Variants in ADCY9 observed in about 807,000 individuals in gnomAD.
The protein encoded by ADCY9 is adenylate cyclase 9.
A neutral mutation model predicts 101.5 loss-of-function variants in ADCY9; 50 were observed. That is an observed-to-expected ratio of 0.49 (90% CI 0.39 to 0.62). The LOEUF is 0.62. Among genes scored for constraint, ADCY9 ranks in the 20% least tolerant of loss-of-function variants. ADCY9 has a pLI of 0.00. For missense variants in ADCY9, 1,662 were observed against 1,800.4 expected (o/e 0.92, Z 1.39); for synonymous variants, 905 against 769.3 (o/e 1.18, Z -2.92).
intron 2 of ADCY9, among the ~76,000 whole-genome samples, chr16:4,062,214 A>C (rs2056777586): frequency 6.6e-6 from 1 of 152,218 alleles, no homozygotes; most frequent in Non-Finnish European, 1.5e-5. Context: ...GCATATTGCA[A>C]TCCTTAGAGT....
intron 5 of ADCY9, among the ~76,000 whole-genome samples, chr16:3,954,550 G>A (rs938333639): frequency 6.6e-5 from 10 of 152,212 alleles, no homozygotes; most frequent in African/African-American, 2.4e-4. Flanking sequence ...GAATGGCTAG[G>A]AGTGTCTCCC....
At chr16:3,994,446 A>T (rs1049421606) in intron 3 of ADCY9, among the ~76,000 whole-genome samples, 9 of 152,182 alleles carry the variant, frequency 5.9e-5, no homozygotes, top group African/African-American at 1.4e-4. Flanking sequence ...TGTACACTTT[A>T]AAAAGATCGA....
chr16:4,051,042 A>C (rs768414925), intron 2 of ADCY9, among the ~76,000 whole-genome samples: 2 of 151,332 alleles, frequency 1.3e-5, no homozygotes, highest in Non-Finnish European at 2.9e-5. Context: ...GTGAAACCCC[A>C]TCTCTACTAA....
At chr16:4,021,478 C>A (rs185903970) in intron 2 of ADCY9, among the ~76,000 whole-genome samples, 8 of 152,334 alleles carry the variant, frequency 5.3e-5, no homozygotes, top group African/African-American at 1.4e-4. Flanking sequence ...CCCCTACCCA[C>A]CTGCCAACCT....
At chr16:3,962,310 C>G (rs1164275119), downstream of ADCY9, among the ~76,000 whole-genome samples, 1 of 152,162 alleles carries the variant, frequency 6.6e-6, no homozygotes, top group Non-Finnish European at 1.5e-5. Context: ...CCCTCAATTC[C>G]TTCTCTAAGG....
chr16:3,977,531 C>G lies in ADCY9; in HGVS notation c.2779G>C (p.Val927Leu). Residue 927 changes from valine to leucine, a missense_variant, in exon 9 of 11, where the codon GTG (valine) becomes CTG (leucine). Val to Leu is a conservative substitution (Grantham distance 32, BLOSUM62 1). Around this residue, in one of 5 missense-constraint regions of ADCY9, gnomAD observed 624 missense variants for 639.1 expected, o/e 0.98. Transcript: ENST00000294016. ...SWMRSSLATV[V>L]GAGPLLLLYV... is the part of the protein sequence containing the mutation. Reference sequence around the variant, plus strand: ...AGCAGGAGCAGCGGCCCGGCCCCCACGACGGTGGCGAGGGAGGACCTCATC... The same window carrying G: ...AGCAGGAGCAGCGGCCCGGCCCCCAGGACGGTGGCGAGGGAGGACCTCATC... The G allele has an allele frequency of 1.9e-6, 3 of 1,596,936 alleles. No homozygotes were observed. Among genetic ancestry groups the G allele is most frequent in the Non-Finnish European group, 2.6e-6 (3 of 1,172,022 alleles).
At position 4,114,173 on chromosome 16, in the gene ADCY9, C is replaced by G. The variant is rs1467893003; in HGVS notation, c.1270G>C (p.Gly424Arg). ...TCCTCACACAGGCGGTCGAAGCGAC[C>G]GAACAGATCGTTCAGGAGACCCACC... Reference protein sequence around the residue: ...ALVGLLNDLFGRFDRLCEETK... With the variant: ...ALVGLLNDLFRRFDRLCEETK... The change falls in exon 2 of 11, where the codon GGT becomes CGT. Residue 424 changes from glycine to arginine, a missense_variant. Gly to Arg is a moderately radical substitution (Grantham distance 125). This residue lies in a region of ADCY9 where 228 missense variants were observed against 301.1 expected (regional missense o/e 0.76). Transcript: ENST00000294016. The surrounding 1 kb of genome is among the most constrained non-coding windows in gnomAD (Gnocchi z 4.3). 1 of 1,613,892 alleles carries G rather than the reference C, an allele frequency of 6.2e-7. No homozygotes were observed. Among genetic ancestry groups the G allele is most frequent in the Non-Finnish European group, 8.5e-7 (1 of 1,180,034 alleles).
chr16:4,039,289 G>A (rs968993901), intron 2 of ADCY9, among the ~76,000 whole-genome samples: 16 of 151,992 alleles, frequency 1.1e-4, no homozygotes, highest in African/African-American at 2.4e-4. Flanking sequence ...TGTGTTACAC[G>A]CCCTCATGCC....
At chr16:4,074,463 G>A (rs1397871921) in intron 2 of ADCY9, among the ~76,000 whole-genome samples, 1 of 151,796 alleles carries the variant, frequency 6.6e-6, no homozygotes, top group Non-Finnish European at 1.5e-5. Context: ...GGGAGGTAGA[G>A]GTGGGAGGAG....
rs944073479 is a variant in ADCY9 at position 4,114,940 on chromosome 16, T to C, written c.503A>G (p.Tyr168Cys). ...GFFLFTFTKL[Y>C]ARHYAWTSLA... ...CGAGGTCCACGCGTAATGCCGGGCG[T>C]ACAGCTTGGTGAAGGTAAACAGAAA... Residue 168 changes from tyrosine (Y) to cysteine (C), a missense_variant, in exon 2 of 11, where the codon TAC (tyrosine) becomes TGC (cysteine). Coordinates refer to ENST00000294016, the MANE Select transcript of ADCY9 (RefSeq NM_001116.4). This position sits in a 1 kb window ranked among gnomAD's most constrained non-coding sequence, Gnocchi z 4.3. The C allele has an allele frequency of 8.7e-6, 14 of 1,613,752 alleles. No individual in the cohort carries two copies. Among genetic ancestry groups the C allele is most frequent in the Non-Finnish European group, 1.2e-5 (14 of 1,180,044 alleles).
intron 3 of ADCY9, among the ~76,000 whole-genome samples, chr16:3,996,955 C>T (rs564769313): frequency 6.6e-6 from 1 of 152,272 alleles, no homozygotes; most frequent in Non-Finnish European, 1.5e-5. Flanking sequence ...ACCTCCACCT[C>T]CTGGGTTCAA....
In ADCY9 at chr16:3,985,371, C is replaced by G. The variant is rs1004933182; in HGVS notation, c.2311-1931G>C. On this transcript the variant is annotated intron_variant, in intron 6 of 10. Coordinates refer to ENST00000294016, the MANE Select transcript of ADCY9 (RefSeq NM_001116.4). ...GCTAGGATGGTCTCTATCTCGACCT[C>G]GTGATCTGCCTGCCTCGGCCTCCCA... Among the ~76,000 whole-genome samples, 13 of 152,102 alleles carry G rather than the reference C, an allele frequency of 8.5e-5. 1 individual carries two copies. The highest frequency in any genetic ancestry group is 1.9e-4 in the Non-Finnish European group (13 of 68,014).
intron 7 of ADCY9, among the ~76,000 whole-genome samples, chr16:3,980,317 C>A (rs747579738): frequency 5.9e-5 from 9 of 152,238 alleles, no homozygotes; most frequent in Non-Finnish European, 8.8e-5. Context: ...GCTGAGTGTG[C>A]GGGCCAAGAA....
intron 2 of ADCY9, among the ~76,000 whole-genome samples, chr16:4,045,314 C>T (rs972364949): frequency 1.2e-4 from 18 of 151,976 alleles, no homozygotes; most frequent in Admixed American, 2.6e-4. Context: ...GAGCCAAACG[C>T]GGCTGGGCAC....
chr16:3,966,260 T>A lies in ADCY9; in HGVS notation c.3577A>T (p.Ile1193Phe). The A allele has an allele frequency of 6.2e-7, 1 of 1,614,164 alleles. No individual in the cohort carries two copies. Among genetic ancestry groups the A allele is most frequent in the Non-Finnish European group, 8.5e-7 (1 of 1,180,032 alleles). Residue 1193 changes from isoleucine (I) to phenylalanine (F), a missense_variant, in exon 11 of 11, where the codon ATC becomes TTC. Physicochemically the swap from Ile to Phe is conservative, Grantham distance 21. Coordinates refer to ENST00000294016, the MANE Select transcript of ADCY9 (RefSeq NM_001116.4). ...CCGGTGGTGTCCATCCTGCTGGCGA[T>A]GTTGACGGTGTCTCCCCAGATGTCG... ...LYDIWGDTVN[I>F]ASRMDTTGVE...
chr16:4,054,414 T>G (rs928555214), intron 2 of ADCY9, among the ~76,000 whole-genome samples: 3 of 152,080 alleles, frequency 2.0e-5, no homozygotes, highest in Non-Finnish European at 4.4e-5. Flanking sequence ...AAACCAAGAC[T>G]TCGCAGGGCT....
chr16:3,974,630 C>G lies in ADCY9; in HGVS notation c.2870+39G>C, dbSNP rs3730136. 5.1e-3 allele frequency: 8,021 copies of G among 1,576,804 alleles called. 307 individuals carry two copies. The African/African-American group carries it at 0.087, about 17-fold the overall frequency. On this transcript the variant is annotated intron_variant, in intron 10 of 10. Transcript: ENST00000294016. ...AAATGGGCAGGGTAATACAGTCACT[C>G]TCGTTTATTCAGACAGAAGTGCAAT...
At chr16:4,105,017 C>T (rs983410763) in intron 2 of ADCY9, among the ~76,000 whole-genome samples, 6 of 150,236 alleles carry the variant, frequency 4.0e-5, no homozygotes, top group African/African-American at 7.4e-5. Context: ...TGCAGTAAGC[C>T]GAGATCGTGC....
chr16:4,050,739 T>A (rs2056695867), intron 2 of ADCY9, among the ~76,000 whole-genome samples: 1 of 118,270 alleles, frequency 8.5e-6, no homozygotes. Flanking sequence ...AAAAAAAAAT[T>A]CCTAACTACG....
Sources: gnomAD v4.1 joint callset for allele counts (sites outside exome capture counted in the v4.1 genomes callset) on GRCh38, gnomAD v4.1.1 for gene constraint, gnomAD v4.1.1 regional missense constraint, Gnocchi (gnomAD v3.1) non-coding constraint, MANE v1.5 for transcripts, NCBI Gene and HGNC (gene_info 2026-07-23, HGNC 2026-07-21) for gene names.